LIPK: variants seen among roughly 807,000 people sequenced by gnomAD.
The protein encoded by LIPK is lipase family member K, also known as lipase member K.
In LIPK, 32 loss-of-function variants were observed where a neutral mutation model predicts 48.6. That is an observed-to-expected ratio of 0.66 (90% CI 0.50 to 0.88). The LOEUF (loss-of-function observed/expected upper bound fraction) is 0.88. Among genes scored for constraint, LIPK ranks in the 40% least tolerant of loss-of-function variants. The pLI, the probability that LIPK is intolerant of heterozygous loss-of-function variation, is 0.00. For synonymous variants in LIPK, 164 were observed against 157.4 expected (o/e 1.04, Z -0.32); for missense variants, 507 against 478.5 (o/e 1.06, Z -0.56).
intron 1 of LIPK, among the ~76,000 whole-genome samples, chr10:88,719,286 A>C (rs373998933): frequency 2.1e-4 from 32 of 152,378 alleles, no homozygotes; most frequent in African/African-American, 7.5e-4. Context: ...AAGAAAATTA[A>C]GTTTCAGAGA....
Position 88,726,616 on chromosome 10 carries a change from C to A in LIPK, c.106-179C>A, listed in dbSNP as rs144446546. 2.6e-3 allele frequency among the ~76,000 whole-genome samples: 393 copies of A among 152,292 alleles called. 4 individuals carry two copies. Among genetic ancestry groups the A allele is most frequent in the South Asian group, 0.017 (80 of 4,824 alleles). On this transcript the variant is annotated intron_variant, in intron 2 of 9. Transcript: ENST00000404190. ...GACTGAGGTGGGAGGATAGCTTGAG[C>A]CGAGGAGGCGAAGGCTGCAGTGAGC...
intron 1 of LIPK, among the ~76,000 whole-genome samples, chr10:88,717,276 G>A (rs187547003): frequency 6.6e-6 from 1 of 152,160 alleles, no homozygotes; most frequent in Non-Finnish European, 1.5e-5. Flanking sequence ...GTAAAGGAAA[G>A]GTTCGTCTTG....
chr10:88,744,811 A>C (rs1410554439), intron 9 of LIPK, among the ~76,000 whole-genome samples: 1 of 152,254 alleles, frequency 6.6e-6, no homozygotes, highest in Non-Finnish European at 1.5e-5. Context: ...ACAGTTCAGA[A>C]TCTGGACGGC....
chr10:88,738,462 C>T (rs1842617841), intron 7 of LIPK, among the ~76,000 whole-genome samples: 1 of 152,192 alleles, frequency 6.6e-6, no homozygotes, highest in Non-Finnish European at 1.5e-5. Flanking sequence ...GTAGAAAGCA[C>T]TGATTAAAAT....
intron 6 of LIPK, 71 bp downstream of exon 6, chr10:88,732,622 A>T: frequency 6.9e-7 from 1 of 1,446,588 alleles, no homozygotes; most frequent in Non-Finnish European, 9.4e-7. Flanking sequence ...TCAACAGAAG[A>T]CCAATGACAT....
At position 88,724,516 on chromosome 10, in the gene LIPK, T is replaced by G; in HGVS notation, c.-11-17T>G. On this transcript the variant is annotated splice_polypyrimidine_tract_variant and intron_variant, in intron 1 of 9. Coordinates refer to ENST00000404190, the MANE Select transcript of LIPK (RefSeq NM_001080518.2). The stretch of plus-strand genomic sequence containing the variant: ...AATTTATCTTTGATGACAAATATAT[T>G]AAATTTCCTTTCCTAGGCAGATCCC... 6.9e-7 allele frequency: 1 copy of G among 1,439,870 alleles called. No individual in the cohort carries two copies. Among genetic ancestry groups the G allele is most frequent in the Non-Finnish European group, 9.5e-7 (1 of 1,048,638 alleles). The allele number at this position is 1,439,870 out of a possible 1,614,324, so 89.2% of individuals were successfully genotyped here.
intron 8 of LIPK, among the ~76,000 whole-genome samples, chr10:88,742,820 T>C (rs1842703495): frequency 6.6e-6 from 1 of 152,074 alleles, no homozygotes; most frequent in Non-Finnish European, 1.5e-5. Context: ...GACCACATCA[T>C]GAGGATAAGG....
chr10:88,740,140 C>G, intron 8 of LIPK, 73 bp downstream of exon 8: 1 of 1,118,716 alleles, frequency 8.9e-7, no homozygotes, highest in South Asian at 1.6e-5. Flanking sequence ...TCAGAGAGCT[C>G]ACTGCAGGGT....
chr10:88,731,185 A>G lies in LIPK; in HGVS notation c.422+4A>G. 1 of 1,534,094 alleles carries G rather than the reference A, an allele frequency of 6.5e-7. No homozygotes were observed. Among genetic ancestry groups the G allele is most frequent in the Non-Finnish European group, 8.7e-7 (1 of 1,143,866 alleles). Reference sequence around the variant, plus strand: ...CACCGGAATACTGGGCCTTCAGGTAAAGAGAAACCTATTAATGAATAAAAT... The same window carrying G: ...CACCGGAATACTGGGCCTTCAGGTAGAGAGAAACCTATTAATGAATAAAAT... On this transcript the variant is annotated splice_donor_region_variant and intron_variant, in intron 4 of 9. Coordinates refer to ENST00000404190, the MANE Select transcript of LIPK (RefSeq NM_001080518.2).
intron 3 of LIPK, chr10:88,728,704 G>A (rs1056454051): frequency 1.3e-5 from 5 of 392,074 alleles, no homozygotes; most frequent in Non-Finnish European, 2.0e-5. Flanking sequence ...TGTATGCATA[G>A]GAAGACAAGC....
At chr10:88,725,495 C>T (rs908592581) in intron 2 of LIPK, among the ~76,000 whole-genome samples, 1 of 152,212 alleles carries the variant, frequency 6.6e-6, no homozygotes, top group South Asian at 2.1e-4. Flanking sequence ...TTCACCATTG[C>T]TCTGTGTAGC....
chr10:88,733,406 G>C (rs1842508262), intron 6 of LIPK, among the ~76,000 whole-genome samples: 1 of 152,200 alleles, frequency 6.6e-6, no homozygotes, highest in African/African-American at 2.4e-5. Context: ...ATTTCAATGA[G>C]AGCAGATGAA....
At chr10:88,716,749 G>A (rs899289340) in intron 1 of LIPK, among the ~76,000 whole-genome samples, 1 of 152,122 alleles carries the variant, frequency 6.6e-6, no homozygotes, top group Non-Finnish European at 1.5e-5. Flanking sequence ...AAGAAAAAGA[G>A]AATAATTCTA....
At chr10:88,721,596 T>C (rs1014934032) in intron 1 of LIPK, among the ~76,000 whole-genome samples, 1 of 152,194 alleles carries the variant, frequency 6.6e-6, no homozygotes, top group Non-Finnish European at 1.5e-5. Context: ...CCTTGTGCCA[T>C]CCCTTGGGGC....
intron 1 of LIPK, among the ~76,000 whole-genome samples, chr10:88,718,065 C>T (rs927404792): frequency 1.3e-5 from 2 of 151,664 alleles, no homozygotes; most frequent in South Asian, 2.1e-4. Context: ...GACCTTTTAT[C>T]CTTTTGTCCA....
chr10:88,710,528 C>T (rs1325638586), intron 1 of LIPK, among the ~76,000 whole-genome samples: 1 of 152,170 alleles, frequency 6.6e-6, no homozygotes, highest in East Asian at 1.9e-4. Context: ...CAAGCAAACA[C>T]TATTGTGATT....
At chr10:88,708,785 C>T (rs530288720) in intron 1 of LIPK, among the ~76,000 whole-genome samples, 38 of 152,082 alleles carry the variant, frequency 2.5e-4, no homozygotes, top group South Asian at 1.2e-3. Flanking sequence ...GTCATTTCTA[C>T]AGATGTTTTA....
chr10:88,724,888 A>C (rs2134717058), intron 2 of LIPK, among the ~76,000 whole-genome samples: 1 of 152,304 alleles, frequency 6.6e-6, no homozygotes, highest in Non-Finnish European at 1.5e-5. Flanking sequence ...GGCTTCCTAA[A>C]GAGAAGTTTC....
intron 3 of LIPK, among the ~76,000 whole-genome samples, chr10:88,729,407 T>G (rs1842421227): frequency 6.6e-6 from 1 of 152,164 alleles, no homozygotes; most frequent in Non-Finnish European, 1.5e-5. Context: ...AAACTCTAGA[T>G]TTCTAAAAAG....
Sources: gnomAD v4.1 joint callset for allele counts (sites outside exome capture counted in the v4.1 genomes callset) on GRCh38, gnomAD v4.1.1 for gene constraint, MANE v1.5 for transcripts, NCBI Gene and HGNC (gene_info 2026-07-23, HGNC 2026-07-21) for gene names.